The following HPCAL1 variants were observed in gnomAD, a reference collection of about 807,000 sequenced individuals.
HPCAL1 encodes the protein hippocalcin like 1, also known as hippocalcin-like protein 1.
A neutral mutation model predicts 17.1 loss-of-function variants in HPCAL1; 8 were observed. The observed-to-expected ratio is 0.47, with a 90% CI of 0.27 to 0.84. The LOEUF is 0.84. HPCAL1 is among the 40% of genes least tolerant of loss of function. The pLI, the probability that HPCAL1 is intolerant of heterozygous loss-of-function variation, is 0.13. For missense variants in HPCAL1, 165 were observed against 271.1 expected (o/e 0.61, Z 2.75); for synonymous variants, 112 against 111.4 (o/e 1.01, Z -0.03).
rs1671464238 is a variant in HPCAL1, at chr2:10,427,093, C to G, written c.*272C>G. ...CAAGTGTTCTTGGTTCCAGGCACCTCCCGGCTCACGGGGAGCTCAGAGGTC... is the reference window on the plus strand; with the variant it reads ...CAAGTGTTCTTGGTTCCAGGCACCTGCCGGCTCACGGGGAGCTCAGAGGTC... On this transcript the variant is annotated 3_prime_UTR_variant, in exon 5 of 5. Coordinates refer to ENST00000307845, the MANE Select transcript of HPCAL1 (RefSeq NM_002149.4). 1.5e-5 allele frequency: 7 copies of G among 453,776 alleles called. No individual in the cohort carries two copies. Among genetic ancestry groups the G allele is most frequent in the Admixed American group, 1.1e-4 (3 of 27,190 alleles). 28.1% of individuals were successfully genotyped at this position (453,776 alleles called of 1,614,324 possible). A position where few individuals can be genotyped will look rare whatever the true frequency, so the allele number is the denominator to read the frequency against.
intron 1 of HPCAL1, among the ~76,000 whole-genome samples, chr2:10,360,988 C>T (rs1348159418): frequency 6.6e-6 from 1 of 150,472 alleles, no homozygotes; most frequent in Non-Finnish European, 1.5e-5. Flanking sequence ...GGGTGTCTGG[C>T]GTGTGCCTTG....
chr2:10,399,240 A>G (rs1490907305), intron 2 of HPCAL1, among the ~76,000 whole-genome samples: 98 of 89,182 alleles, frequency 1.1e-3, no homozygotes, highest in African/African-American at 2.7e-3. Flanking sequence ...CACCACCACC[A>G]TCACCACCAC....
chr2:10,403,639 T>C (rs1021689215), intron 2 of HPCAL1, among the ~76,000 whole-genome samples: 1 of 152,104 alleles, frequency 6.6e-6, no homozygotes, highest in Non-Finnish European at 1.5e-5. Context: ...CCTGCCATCA[T>C]GCCTGGCTAA....
chr2:10,330,074 G>T lies in HPCAL1; in HGVS notation c.-111+26897G>T, dbSNP rs79351608. 6.8e-6 allele frequency: 1 copy of T among 147,408 alleles called. No individual in the cohort carries two copies. The highest frequency in any genetic ancestry group is 1.5e-5 in the Non-Finnish European group (1 of 67,952). The allele number at this position is 147,408 out of a possible 1,614,324, so 9.1% of individuals were successfully genotyped here. A position where few individuals can be genotyped will look rare whatever the true frequency, so the allele number is the denominator to read the frequency against. On this transcript the variant is annotated intron_variant, in intron 1 of 4. Transcript: ENST00000307845. The surrounding 1 kb of genome is among the most constrained non-coding windows in gnomAD (Gnocchi z 4.2). ...AAACACTTCCTGTTATTTAAATCTT[G>T]GTCCTTTGATTTTTTTTTTTTTTCC...
chr2:10,381,994 C>T (rs533940881), intron 1 of HPCAL1, among the ~76,000 whole-genome samples: 49 of 152,322 alleles, frequency 3.2e-4, no homozygotes, highest in African/African-American at 9.1e-4. Context: ...ACTTTATTCA[C>T]GATTATTCAT....
intron 2 of HPCAL1, among the ~76,000 whole-genome samples, chr2:10,414,357 G>C (rs573016006): frequency 7.9e-5 from 12 of 152,348 alleles, no homozygotes; most frequent in Admixed American, 7.2e-4. Flanking sequence ...CTGGAGGCCA[G>C]AAGTCCAAGG....
At chr2:10,314,806 C>T (rs567853513) in intron 1 of HPCAL1, among the ~76,000 whole-genome samples, 1 of 152,058 alleles carries the variant, frequency 6.6e-6, no homozygotes, top group Admixed American at 6.5e-5. Context: ...AAACTACTGA[C>T]CAGATTTTGT....
At chr2:10,401,067 C>T (rs1669576707) in intron 2 of HPCAL1, among the ~76,000 whole-genome samples, 1 of 152,204 alleles carries the variant, frequency 6.6e-6, no homozygotes, top group African/African-American at 2.4e-5. Flanking sequence ...TTAGTCTGCT[C>T]AGCCACACAG....
At position 10,304,418 on chromosome 2, in the gene HPCAL1, A is replaced by G. The variant is rs898675323; in HGVS notation, c.-111+1241A>G. On this transcript the variant is annotated intron_variant, in intron 1 of 4. Coordinates refer to ENST00000307845, the MANE Select transcript of HPCAL1 (RefSeq NM_002149.4). The surrounding 1 kb of genome is among the most constrained non-coding windows in gnomAD (Gnocchi z 4.1). ...ACCCCTTTCCTCCTGGCTGACCCCA[A>G]TTCCACCAGAGGAGGATGTTTGCCA... is the stretch of plus-strand genomic sequence containing the variant. 2.4e-5 allele frequency among the ~76,000 whole-genome samples: 3 copies of G among 123,056 alleles called. No homozygotes were observed. The highest frequency in any genetic ancestry group is 6.4e-5 in the African/African-American group (2 of 31,418). 80.7% of individuals were successfully genotyped at this position (123,056 alleles called of 152,430 possible).
At chr2:10,351,573 C>T (rs1665842879) in intron 1 of HPCAL1, among the ~76,000 whole-genome samples, 1 of 152,118 alleles carries the variant, frequency 6.6e-6, no homozygotes, top group African/African-American at 2.4e-5. Flanking sequence ...GCCTGGGCAA[C>T]ATGGCGAGAC....
chr2:10,315,261 C>T (rs1438053185), intron 1 of HPCAL1, among the ~76,000 whole-genome samples: 1 of 151,272 alleles, frequency 6.6e-6, no homozygotes, highest in Non-Finnish European at 1.5e-5. Flanking sequence ...CCACTGCACT[C>T]CAGCCTGGGC....
intron 1 of HPCAL1, among the ~76,000 whole-genome samples, chr2:10,337,998 G>A (rs1239899994): frequency 6.6e-6 from 1 of 152,198 alleles, no homozygotes; most frequent in Non-Finnish European, 1.5e-5. Context: ...AGTCAGGGGA[G>A]CTCCATAAAT....
In HPCAL1 at chr2:10,423,244, G is replaced by T; in HGVS notation, c.484+156G>T. On this transcript the variant is annotated intron_variant, in intron 4 of 4. Coordinates refer to ENST00000307845, the MANE Select transcript of HPCAL1 (RefSeq NM_002149.4). ...CGCCTGCCATGCCCAGGGAAGAGCG[G>T]GATGCAGTCAGGGACACCCGTGCTG... 4.0e-5 allele frequency: 26 copies of T among 648,778 alleles called. No homozygotes were observed. In the South Asian group the frequency reaches 4.6e-4, roughly 11 times the overall value. 40.2% of individuals were successfully genotyped at this position (648,778 alleles called of 1,614,324 possible).
rs560558467 is a variant in HPCAL1, at chr2:10,330,624, G to C, written c.-111+27447G>C. 1.3e-5 allele frequency among the ~76,000 whole-genome samples: 2 copies of C among 152,244 alleles called. No homozygotes were observed. Among genetic ancestry groups the C allele is most frequent in the East Asian group, 3.9e-4 (2 of 5,172 alleles). On this transcript the variant is annotated intron_variant, in intron 1 of 4. Coordinates refer to ENST00000307845, the MANE Select transcript of HPCAL1 (RefSeq NM_002149.4). The surrounding 1 kb of genome is among the most constrained non-coding windows in gnomAD (Gnocchi z 4.2). ...TCCCTCCGAGTGTGTCTGAGTCCCA[G>C]TCTCCTTGTGAGGACACCAGCCCTA...
chr2:10,373,192 G>A lies in HPCAL1; in HGVS notation c.-110-23643G>A, dbSNP rs79486469. 1.9e-4 allele frequency among the ~76,000 whole-genome samples: 29 copies of A among 152,360 alleles called. No homozygotes were observed. The East Asian group carries it at 5.4e-3, about 28-fold the overall frequency. Reference sequence around the variant, plus strand: ...ACTACAAGGGCCAAGAAGAGGGAGAGGATGATCTGGGAAGGAGAGTGGCTT... The same window carrying A: ...ACTACAAGGGCCAAGAAGAGGGAGAAGATGATCTGGGAAGGAGAGTGGCTT... On this transcript the variant is annotated intron_variant, in intron 1 of 4. Transcript: ENST00000307845.
In HPCAL1 at chr2:10,304,455, T is replaced by C. The variant is rs1572595956; in HGVS notation, c.-111+1278T>C. ...GAGGATGTTTGCCAGGGACGCCGAG[T>C]CCAGCTGCTGGCCTCGGCATTAGAC... On this transcript the variant is annotated intron_variant, in intron 1 of 4. Transcript: ENST00000307845. The surrounding 1 kb of genome is among the most constrained non-coding windows in gnomAD (Gnocchi z 4.1). Among the ~76,000 whole-genome samples the C allele has an allele frequency of 6.6e-6, 1 of 151,146 alleles. No individual in the cohort carries two copies. Among genetic ancestry groups the C allele is most frequent in the South Asian group, 2.1e-4 (1 of 4,806 alleles).
chr2:10,413,750 G>T lies in HPCAL1; in HGVS notation c.-24-5984G>T, dbSNP rs575502067. ...TGTTATGAGTTTGGCATTCCAATGG[G>T]ATCGGTAAGAACATAAATCACCGAT... On this transcript the variant is annotated intron_variant, in intron 2 of 4. Coordinates refer to ENST00000307845, the MANE Select transcript of HPCAL1 (RefSeq NM_002149.4). Among the ~76,000 whole-genome samples, 12 of 152,342 alleles carry T rather than the reference G, an allele frequency of 7.9e-5. No individual in the cohort carries two copies. In the South Asian group the frequency reaches 2.5e-3, roughly 32 times the overall value.
At chr2:10,306,030 TTATTC>T (rs1662600740) in intron 1 of HPCAL1, among the ~76,000 whole-genome samples, 1 of 152,206 alleles carries the variant, frequency 6.6e-6, no homozygotes, top group Non-Finnish European at 1.5e-5. Flanking sequence ...CCTGTGACAC[TTATTC>T]TAAGACCCTT....
At chr2:10,311,125 G>C (rs1364665729) in intron 1 of HPCAL1, among the ~76,000 whole-genome samples, 3 of 152,252 alleles carry the variant, frequency 2.0e-5, no homozygotes, top group Non-Finnish European at 4.4e-5. Context: ...TTCAGGGGCT[G>C]AGATAGGGCC....
Sources: allele counts gnomAD v4.1 joint callset (sites outside exome capture counted in the v4.1 genomes callset), GRCh38; gene constraint gnomAD v4.1.1; non-coding constraint Gnocchi (gnomAD v3.1); transcripts MANE v1.5; gene names NCBI Gene and HGNC (gene_info 2026-07-23, HGNC 2026-07-21).